The following SPDYE16 variants were observed in gnomAD, a reference collection of about 807,000 sequenced individuals.
SPDYE16 encodes speedy protein E16.
In SPDYE16, 5 loss-of-function variants were observed where a neutral mutation model predicts 40.1. That is an observed-to-expected ratio of 0.12 (90% CI 0.07 to 0.26). The LOEUF is 0.26. Among genes scored for constraint, SPDYE16 ranks in the 10% least tolerant of loss-of-function variants. SPDYE16 has a pLI of 1.00. For missense variants in SPDYE16, 98 were observed against 409.8 expected, an observed-to-expected ratio of 0.24 and a Z score of 6.57; for synonymous variants, 40 against 154.2, an observed-to-expected ratio of 0.26 and a Z score of 5.49.
chr7:76,535,666 G>T (rs1813022794), intron 6 of SPDYE16, among the ~76,000 whole-genome samples: 1 of 40,314 alleles, frequency 2.5e-5, no homozygotes, highest in Non-Finnish European at 4.6e-5. Flanking sequence ...TCTTTTATTT[G>T]TACACTGGCA....
rs1813179573 is a variant in SPDYE16 at position 76,541,366 on chromosome 7, G to A, written c.94C>T (p.Pro32Ser). 1.3e-6 allele frequency: 2 copies of A among 1,534,810 alleles called. No homozygotes were observed. Among genetic ancestry groups the A allele is most frequent in the Admixed American group, 2.0e-5 (1 of 50,948 alleles). Residue 32 changes from proline (P) to serine (S), a missense_variant, in exon 2 of 9, where the codon CCC (proline) becomes TCC (serine). Transcript: ENST00000633306. ...GAGTACCCCGAGGTGCTCCGCTGGG[G>A]ACTCTGCTCATTCTGGGGGTGAGGT... ...RQPHPQNEQS[P>S]QRSTSGYSLQ... is the part of the protein sequence containing the mutation.
chr7:76,541,242 C>G, intron 2 of SPDYE16, 58 bp downstream of exon 2: 2 of 1,497,626 alleles, frequency 1.3e-6, no homozygotes, highest in Non-Finnish European at 1.8e-6. Context: ...CCGCACCTGG[C>G]CCCCTTCCTT....
At chr7:76,536,475 A>T (rs1813042674) in intron 5 of SPDYE16, among the ~76,000 whole-genome samples, 1 of 86,542 alleles carries the variant, frequency 1.2e-5, no homozygotes, top group Non-Finnish European at 2.3e-5. Flanking sequence ...TGATGCTCCC[A>T]GGATGGTGGG....
rs554145553 is a variant in SPDYE16 at position 76,541,180 on chromosome 7, G to A, written c.160+120C>T. 7.4e-3 allele frequency: 10,523 copies of A among 1,421,008 alleles called. 113 individuals are homozygous for A. The highest frequency in any genetic ancestry group is 0.036 in the Admixed American group (1,515 of 41,940). The allele number at this position is 1,421,008 out of a possible 1,614,324, so 88.0% of individuals were successfully genotyped here. A position where few individuals can be genotyped will look rare whatever the true frequency, so the allele number is the denominator to read the frequency against. On this transcript the variant is annotated intron_variant, in intron 2 of 8. Coordinates refer to ENST00000633306, the MANE Select transcript of SPDYE16 (RefSeq NM_001394943.1). ...GCTGGCCTTGAACTCCTGACCTCAG[G>A]TGATCCGCCCGCCTCAGCCTCCCAA...
At position 76,541,410 on chromosome 7, in the gene SPDYE16, T is replaced by C; in HGVS notation, c.50A>G (p.Lys17Arg). The C allele has an allele frequency of 6.5e-7, 1 of 1,534,824 alleles. No homozygotes were observed. Among genetic ancestry groups the C allele is most frequent in the East Asian group, 2.4e-5 (1 of 40,882 alleles). The change falls in exon 2 of 9, where the codon AAG (lysine) becomes AGG (arginine). Residue 17 changes from lysine (K) to arginine (R), a missense_variant. Lys to Arg is a conservative substitution (Grantham distance 26, BLOSUM62 2). Coordinates refer to ENST00000633306, the MANE Select transcript of SPDYE16 (RefSeq NM_001394943.1). Reference protein sequence around the residue: ...RFRKRGQIKGKITTSRQPHPQ... With the variant: ...RFRKRGQIKGRITTSRQPHPQ... ...GTGAGGTTGACGGCTGGTCGTGATC[T>C]TTCCCTTAATCTGTCCCCTCTTACG...
rs1812928947 is a variant in SPDYE16, at chr7:76,531,408, T to G, written c.*1432A>C. 1 of 132,838 alleles carries G rather than the reference T, an allele frequency of 7.5e-6. No individual in the cohort carries two copies. Among genetic ancestry groups the G allele is most frequent in the African/African-American group, 3.0e-5 (1 of 32,830 alleles). The allele number at this position is 132,838 out of a possible 1,614,324, so 8.2% of individuals were successfully genotyped here. On this transcript the variant is annotated 3_prime_UTR_variant, in exon 9 of 9. Transcript: ENST00000633306. ...TCTTGAAAACACACAGCTCATGTCC[T>G]CCTTTAGAACACACATCCTCTTTAA...
chr7:76,534,483 C>T (rs1371326405), intron 6 of SPDYE16, among the ~76,000 whole-genome samples: 1 of 85,984 alleles, frequency 1.2e-5, no homozygotes, highest in East Asian at 2.9e-4. Flanking sequence ...ATGCCAGACG[C>T]GGTGGCTCAT....
intron 2 of SPDYE16, chr7:76,540,638 C>T: frequency 1.1e-6 from 1 of 872,732 alleles, no homozygotes; most frequent in Non-Finnish European, 1.5e-6. Context: ...TGCTTTGTCA[C>T]CCAGGCTGGA....
chr7:76,541,315 C>T lies in SPDYE16; in HGVS notation c.145G>A (p.Val49Met). Reference protein sequence around the residue: ...YSLQEVVDDEVLGSSAPGVDP... With the variant: ...YSLQEVVDDEMLGSSAPGVDP... ...GTCCCCTCACCTGATGATCCCAACACTTCATCATCCACCACCTCCTGGAGG... is the reference window on the plus strand; with the variant it reads ...GTCCCCTCACCTGATGATCCCAACATTTCATCATCCACCACCTCCTGGAGG... The change falls in exon 2 of 9, where the codon GTG becomes ATG. Residue 49 changes from valine to methionine, a missense_variant. Val to Met is a conservative substitution (Grantham distance 21). Coordinates refer to ENST00000633306, the MANE Select transcript of SPDYE16 (RefSeq NM_001394943.1). 2.0e-6 allele frequency: 3 copies of T among 1,534,686 alleles called. No homozygotes were observed. Among genetic ancestry groups the T allele is most frequent in the Non-Finnish European group, 2.6e-6 (3 of 1,146,650 alleles).
chr7:76,541,371 T>A lies in SPDYE16; in HGVS notation c.89A>T (p.Gln30Leu). ...CCCCGAGGTGCTCCGCTGGGGACTC[T>A]GCTCATTCTGGGGGTGAGGTTGACG... Reference protein sequence around the residue: ...TSRQPHPQNEQSPQRSTSGYS... With the variant: ...TSRQPHPQNELSPQRSTSGYS... Residue 30 changes from glutamine to leucine, a missense_variant, in exon 2 of 9, where the codon CAG becomes CTG. Coordinates refer to ENST00000633306, the MANE Select transcript of SPDYE16 (RefSeq NM_001394943.1). 8.5e-6 allele frequency: 13 copies of A among 1,534,822 alleles called. No individual in the cohort carries two copies. The highest frequency in any genetic ancestry group is 1.1e-5 in the Non-Finnish European group (13 of 1,146,636).
intron 3 of SPDYE16, among the ~76,000 whole-genome samples, chr7:76,539,240 G>C (rs879275045): frequency 0.075 from 6,304 of 84,008 alleles, 39 homozygotes; most frequent in East Asian, 0.17. Context: ...AGAACGCCCA[G>C]CTCATTTTTG....
intron 3 of SPDYE16, 149 bp downstream of exon 3, chr7:76,539,979 T>A: frequency 3.4e-6 from 3 of 874,304 alleles, no homozygotes; most frequent in South Asian, 3.6e-5. Context: ...CTCCTAAGTG[T>A]CCCTCATGAG....
chr7:76,541,207 G>T (rs1454618028), intron 2 of SPDYE16, 93 bp downstream of exon 2: 1 of 1,472,100 alleles, frequency 6.8e-7, no homozygotes, highest in African/African-American at 1.5e-5. Context: ...GCCTCCCAAA[G>T]TGCTGGGGTT....
intron 6 of SPDYE16, 147 bp from the exon 7 acceptor site, chr7:76,534,266 G>C: frequency 1.8e-6 from 1 of 549,234 alleles, no homozygotes; most frequent in South Asian, 2.0e-5. Context: ...CCTCAGGAGG[G>C]CTCTGCTGGA....
intron 3 of SPDYE16, among the ~76,000 whole-genome samples, chr7:76,539,486 A>C (rs1584288260): frequency 9.7e-5 from 6 of 61,906 alleles, no homozygotes; most frequent in African/African-American, 2.2e-4. Context: ...AGAGCGTCTC[A>C]CTCTCTCACC....
chr7:76,540,949 G>A (rs1270287135), intron 2 of SPDYE16, among the ~76,000 whole-genome samples: 3 of 141,510 alleles, frequency 2.1e-5, no homozygotes, highest in East Asian at 2.1e-4. Flanking sequence ...CTTCCTGACC[G>A]CTGACCCTTC....
At position 76,531,790 on chromosome 7, in the gene SPDYE16, T is replaced by TA. The variant is rs1160019195; in HGVS notation, c.*1049dup. 2.4e-5 allele frequency: 2 copies of TA among 81,890 alleles called. 1 individual carries two copies. The highest frequency in any genetic ancestry group is 4.7e-5 in the Non-Finnish European group (2 of 42,182). The allele number at this position is 81,890 out of a possible 1,614,324, so 5.1% of individuals were successfully genotyped here. A position where few individuals can be genotyped will look rare whatever the true frequency, so the allele number is the denominator to read the frequency against. ...AAAATACCAGTATTTCCAAAATATT[T>TA]AAAATAATATTTCAAGTAATAATAT... On this transcript the variant is annotated 3_prime_UTR_variant, in exon 9 of 9. Transcript: ENST00000633306.
chr7:76,534,692 T>G (rs371749047), intron 6 of SPDYE16, among the ~76,000 whole-genome samples: 1 of 138,490 alleles, frequency 7.2e-6, no homozygotes, highest in Non-Finnish European at 1.6e-5. Flanking sequence ...GAGGCGGAGG[T>G]TGCAGTGAGT....
At chr7:76,540,839 C>T (rs1281064990) in intron 2 of SPDYE16, among the ~76,000 whole-genome samples, 2 of 144,034 alleles carry the variant, frequency 1.4e-5, no homozygotes, top group Non-Finnish European at 3.0e-5. Flanking sequence ...CTCAAGTGAT[C>T]CGCCTGCCTT....
Sources: allele counts gnomAD v4.1 joint callset (sites outside exome capture counted in the v4.1 genomes callset), GRCh38; gene constraint gnomAD v4.1.1; transcripts MANE v1.5; gene names NCBI Gene and HGNC (gene_info 2026-07-23, HGNC 2026-07-21).